PRH1: variants seen among roughly 807,000 people sequenced by gnomAD.
The protein encoded by PRH1 is proline rich protein HaeIII subfamily 1.
In PRH1, 7 loss-of-function variants were observed where a neutral mutation model predicts 7.9. The ratio of observed to expected loss-of-function variants is 0.89; its 90% CI spans 0.50 to 1.67. PRH1 has a LOEUF of 1.67. PRH1 is among the 40% of genes most tolerant of loss of function. The pLI is 0.00. For synonymous variants in PRH1, 45 were observed against 80.8 expected, an observed-to-expected ratio of 0.56 and a Z score of 2.38; for missense variants, 109 against 223.6, an observed-to-expected ratio of 0.49 and a Z score of 3.27.
chr12:10,897,997 A>G (rs1949672966), intron 2 of PRH1, among the ~76,000 whole-genome samples: 1 of 152,236 alleles, frequency 6.6e-6, no homozygotes, highest in African/African-American at 2.4e-5. Context: ...TATTTAGCAT[A>G]TGAATGGTAT....
intron 1 of PRH1, among the ~76,000 whole-genome samples, chr12:11,043,053 C>T (rs990704621): frequency 1.3e-5 from 2 of 152,068 alleles, no homozygotes; most frequent in African/African-American, 2.4e-5. Flanking sequence ...AATATACTAG[C>T]GAATCAAATT....
intron 2 of PRH1, among the ~76,000 whole-genome samples, chr12:10,966,048 A>T (rs893637352): frequency 4.6e-5 from 7 of 152,122 alleles, no homozygotes; most frequent in South Asian, 2.1e-4. Context: ...CATCCAGAAA[A>T]AATGAACTTT....
intron 1 of PRH1, among the ~76,000 whole-genome samples, chr12:10,995,562 A>G (rs1372880071): frequency 6.6e-6 from 1 of 152,080 alleles, no homozygotes; most frequent in East Asian, 1.9e-4. Flanking sequence ...GACATTTCCT[A>G]TCATTAATAT....
chr12:10,965,055 T>C, intron 2 of PRH1: 1 of 1,047,108 alleles, frequency 9.6e-7, no homozygotes, highest in Non-Finnish European at 1.4e-6. Context: ...CTGAGGCTAG[T>C]AGCAACCCAG....
chr12:10,885,155 C>A (rs113035973), upstream of PRH1, among the ~76,000 whole-genome samples: 1 of 152,242 alleles, frequency 6.6e-6, no homozygotes, highest in East Asian at 1.9e-4. Flanking sequence ...AATTAAATGG[C>A]CACAATTATA....
chr12:11,030,795 T>C (rs760229437), intron 1 of PRH1: 4 of 1,614,188 alleles, frequency 2.5e-6, no homozygotes, highest in Non-Finnish European at 3.4e-6. Context: ...TTTCCTAGCG[T>C]GGTTACAGTC....
intron 1 of PRH1, among the ~76,000 whole-genome samples, chr12:11,065,697 C>G (rs2136191547): frequency 6.6e-6 from 1 of 152,278 alleles, no homozygotes; most frequent in African/African-American, 2.4e-5. Flanking sequence ...GTATTTATAA[C>G]ACCAACTTCT....
At chr12:11,009,708 G>A (rs1430840034) in intron 1 of PRH1, among the ~76,000 whole-genome samples, 4 of 151,918 alleles carry the variant, frequency 2.6e-5, no homozygotes, top group Non-Finnish European at 5.9e-5. Flanking sequence ...TTTGATGTGA[G>A]TAGCTTTTTC....
intron 1 of PRH1, among the ~76,000 whole-genome samples, chr12:11,103,663 T>C (rs1053930477): frequency 6.6e-6 from 1 of 152,012 alleles, no homozygotes; most frequent in Admixed American, 6.6e-5. Context: ...ATTGTGCACA[T>C]GTACCCTAGA....
chr12:11,119,697 T>C (rs946321978), downstream of PRH1, among the ~76,000 whole-genome samples: 1 of 152,168 alleles, frequency 6.6e-6, no homozygotes, highest in Non-Finnish European at 1.5e-5. Flanking sequence ...TGAATACAAA[T>C]TATGAAAAAT....
rs147201157 is a variant in PRH1, at chr12:10,932,778, T to C, written c.-59+40877A>G. 6.6e-5 allele frequency among the ~76,000 whole-genome samples: 10 copies of C among 152,248 alleles called. No individual in the cohort carries two copies. The East Asian group carries it at 1.7e-3, about 26-fold the overall frequency. ...CTTACCATTCTTAAGAAAACCTGAA[T>C]GGATTTCATCAAGGCGGCAGCATAA... is the stretch of plus-strand genomic sequence containing the variant. On this transcript the variant is annotated intron_variant, in intron 2 of 3. Transcript: ENST00000539853.
intron 1 of PRH1, among the ~76,000 whole-genome samples, chr12:11,152,081 T>C (rs1332195679): frequency 6.6e-6 from 1 of 151,948 alleles, no homozygotes; most frequent in Non-Finnish European, 1.5e-5. Context: ...TTCTTTCTTC[T>C]TTTTTTAATT....
Position 11,080,554 on chromosome 12 carries a change from T to C in PRH1, n.124-33366A>G, listed in dbSNP as rs545045073. Among the ~76,000 whole-genome samples, 3 of 114,372 alleles carry C rather than the reference T, an allele frequency of 2.6e-5. No homozygotes were observed. The East Asian group carries it at 6.4e-4, about 24-fold the overall frequency. 75.0% of individuals were successfully genotyped at this position (114,372 alleles called of 152,430 possible). On this transcript the variant is annotated intron_variant and non_coding_transcript_variant, in intron 1 of 4. Transcript: ENST00000541977. Reference sequence around the variant, plus strand: ...CACAGACATAAAAAAGCCAAAAACATAGTTTGACTAAATTTATTTCTGTCA... The same window carrying C: ...CACAGACATAAAAAAGCCAAAAACACAGTTTGACTAAATTTATTTCTGTCA...
chr12:10,986,451 A>C, intron 1 of PRH1: 1 of 1,614,096 alleles, frequency 6.2e-7, no homozygotes, highest in Non-Finnish European at 8.5e-7. Flanking sequence ...CAAAAATATC[A>C]AAGTCCCCAA....
At chr12:10,996,517 T>C (rs1025974634) in intron 1 of PRH1, 6 of 152,940 alleles carry the variant, frequency 3.9e-5, no homozygotes, top group Non-Finnish European at 5.8e-5. Context: ...AAAACAGCAA[T>C]GATTTTACAA....
At chr12:11,054,803 T>TC (rs1374683506) in intron 1 of PRH1, among the ~76,000 whole-genome samples, 1 of 128,910 alleles carries the variant, frequency 7.8e-6, no homozygotes, top group African/African-American at 2.9e-5. Context: ...TTCTTTTTTT[T>TC]TTTTTTTTTT....
At position 10,909,037 on chromosome 12, in the gene PRH1, T is replaced by C; in HGVS notation, c.-58-24762A>G. 6 of 1,613,652 alleles carry C rather than the reference T, an allele frequency of 3.7e-6. No homozygotes were observed. The highest frequency in any genetic ancestry group is 5.1e-6 in the Non-Finnish European group (6 of 1,179,950). On this transcript the variant is annotated intron_variant, in intron 2 of 3. Transcript: ENST00000539853. ...TTGAAGTGATTAGAAACTATCCAGC[T>C]AAAAATCATAATTCTTAATCCTGTT...
intron 2 of PRH1, among the ~76,000 whole-genome samples, chr12:10,901,703 GT>G (rs1382508916): frequency 6.6e-6 from 1 of 152,098 alleles, no homozygotes; most frequent in Non-Finnish European, 1.5e-5. Flanking sequence ...GAACCGCACA[GT>G]CTAATATAAA....
chr12:10,966,946 T>G (rs1163964464), intron 2 of PRH1, among the ~76,000 whole-genome samples: 3 of 151,850 alleles, frequency 2.0e-5, no homozygotes, highest in Non-Finnish European at 4.4e-5. Flanking sequence ...AAACCCCGTC[T>G]CTACAAAAAA....
Sources: gnomAD v4.1 joint callset for allele counts (sites outside exome capture counted in the v4.1 genomes callset) on GRCh38, gnomAD v4.1.1 for gene constraint, MANE v1.5 for transcripts, NCBI Gene and HGNC (gene_info 2026-07-23, HGNC 2026-07-21) for gene names.